Variants in SMG7 observed in about 807,000 individuals in gnomAD.
The protein encoded by SMG7 is nonsense-mediated mRNA decay factor SMG7.
SMG7 carries 34 observed loss-of-function variants against 148.2 expected under a neutral mutation model. The ratio of observed to expected loss-of-function variants is 0.23; its 90% CI spans 0.17 to 0.31. The LOEUF is 0.31. SMG7 is among the 10% of genes least tolerant of loss of function. The probability of loss-of-function intolerance (pLI) is 1.00; values close to 1 mark genes in which losing one functional copy is unlikely to be tolerated. For synonymous variants in SMG7, 492 were observed against 515.1 expected, an observed-to-expected ratio of 0.96 and a Z score of 0.61; for missense variants, 1,114 against 1,408.4, an observed-to-expected ratio of 0.79 and a Z score of 3.35.
chr1:183,525,805 C>T (rs541767638), intron 4 of SMG7, among the ~76,000 whole-genome samples: 5 of 152,096 alleles, frequency 3.3e-5, no homozygotes, highest in East Asian at 1.9e-4. Context: ...GTGTACACTA[C>T]GGTGAGATTC....
intron 1 of SMG7, among the ~76,000 whole-genome samples, chr1:183,488,047 AT>A (rs1655934857): frequency 6.6e-6 from 1 of 152,224 alleles, no homozygotes; most frequent in African/African-American, 2.4e-5. Context: ...CCGTGTTCAT[AT>A]GTCAGTAGCC....
chr1:183,547,643 A>G (rs1012842560), intron 18 of SMG7, among the ~76,000 whole-genome samples: 2 of 152,066 alleles, frequency 1.3e-5, no homozygotes, highest in African/African-American at 4.8e-5. Context: ...TAGCCAAAAT[A>G]TGAAAGGAAA....
intron 1 of SMG7, among the ~76,000 whole-genome samples, chr1:183,493,271 G>A (rs1657524238): frequency 1.3e-5 from 2 of 152,162 alleles, no homozygotes; most frequent in African/African-American, 4.8e-5. Context: ...CACTACACCC[G>A]GCAACCTATG....
intron 1 of SMG7, chr1:183,473,883 A>G (rs951747316): frequency 7.1e-6 from 7 of 985,060 alleles, no homozygotes; most frequent in South Asian, 4.7e-5. Flanking sequence ...GGATCCCTAT[A>G]TGTATATTGC....
In SMG7 at chr1:183,552,750, T is replaced by C; in HGVS notation, c.*819T>C. 7.3e-7 allele frequency: 1 copy of C among 1,376,804 alleles called. No individual in the cohort carries two copies. The highest frequency in any genetic ancestry group is 9.4e-7 in the Non-Finnish European group (1 of 1,066,480). The allele number at this position is 1,376,804 out of a possible 1,614,324, so 85.3% of individuals were successfully genotyped here. On this transcript the variant is annotated 3_prime_UTR_variant, in exon 23 of 23. Coordinates refer to ENST00000688051, the MANE Select transcript of SMG7 (RefSeq NM_001375584.1). ...TTACGTTTTTGATTCCTGTACATTT[T>C]ACAGTCGCACAGCAAGCAGTCTCAC...
chr1:183,486,916 G>A (rs1655581869), intron 1 of SMG7, among the ~76,000 whole-genome samples: 2 of 152,116 alleles, frequency 1.3e-5, no homozygotes, highest in African/African-American at 4.8e-5. Context: ...TGCTCAGGCT[G>A]GTCACTGTCT....
intron 6 of SMG7, 86 bp from the exon 7 acceptor site, chr1:183,528,806 A>G (rs1339165737): frequency 5.1e-6 from 6 of 1,165,656 alleles, no homozygotes; most frequent in Non-Finnish European, 6.1e-6. Context: ...CCATTGTTTG[A>G]GTATTTAAAC....
intron 19 of SMG7, 149 bp downstream of exon 19, chr1:183,549,437 T>C: frequency 1.5e-6 from 1 of 649,216 alleles, no homozygotes; most frequent in Non-Finnish European, 2.7e-6. Context: ...TGTCTCTGAT[T>C]GGGGCATACT....
intron 10 of SMG7, 143 bp from the exon 11 acceptor site, chr1:183,537,002 T>A (rs1323218328): frequency 8.6e-6 from 5 of 578,814 alleles, no homozygotes; most frequent in Non-Finnish European, 1.5e-5. Flanking sequence ...AGTACATTTT[T>A]AAAAATTATA....
Position 183,517,526 on chromosome 1 carries a change from A to G in SMG7, c.180-162A>G, listed in dbSNP as rs1663816531. 1.1e-5 allele frequency: 8 copies of G among 714,016 alleles called. No homozygotes were observed. The Admixed American group carries it at 1.2e-4, about 11-fold the overall frequency. The allele number at this position is 714,016 out of a possible 1,614,324, so 44.2% of individuals were successfully genotyped here. A position where few individuals can be genotyped will look rare whatever the true frequency, so the allele number is the denominator to read the frequency against. ...TTCTACTGCATGTCTAGTCTTGTTC[A>G]AAGGGAAGCATAAAGTTATTTAAAT... On this transcript the variant is annotated intron_variant, in intron 3 of 22. Transcript: ENST00000688051.
In SMG7 at chr1:183,541,095, T is replaced by G. The variant is rs746092415; in HGVS notation, c.1407T>G (p.Asn469Lys). The change falls in exon 13 of 23, where the codon AAT becomes AAG. Residue 469 changes from asparagine (N) to lysine (K), a missense_variant. Coordinates refer to ENST00000688051, the MANE Select transcript of SMG7 (RefSeq NM_001375584.1). ...LISIGKWIAD[N>K]QPRLIQCENE... ...CTATAGGCAAATGGATTGCTGATAATCAGCCAAGGTAAGTCTGGAACTTCT... is the reference window on the plus strand; with the variant it reads ...CTATAGGCAAATGGATTGCTGATAAGCAGCCAAGGTAAGTCTGGAACTTCT... 4.3e-5 allele frequency: 69 copies of G among 1,613,204 alleles called. No homozygotes were observed. The highest frequency in any genetic ancestry group is 5.5e-5 in the Non-Finnish European group (65 of 1,179,394).
chr1:183,523,784 A>G (rs1183737213), intron 4 of SMG7, among the ~76,000 whole-genome samples: 1 of 152,004 alleles, frequency 6.6e-6, no homozygotes, highest in Non-Finnish European at 1.5e-5. Context: ...TCCAACCATA[A>G]TTTTATTTAT....
chr1:183,519,142 G>C (rs921254948), intron 4 of SMG7, among the ~76,000 whole-genome samples: 1 of 152,056 alleles, frequency 6.6e-6, no homozygotes, highest in Non-Finnish European at 1.5e-5. Flanking sequence ...GCAGTGAACC[G>C]TGATTGTGCC....
At chr1:183,539,497 T>G (rs1219700976) in intron 12 of SMG7, among the ~76,000 whole-genome samples, 1 of 152,194 alleles carries the variant, frequency 6.6e-6, no homozygotes, top group Non-Finnish European at 1.5e-5. Flanking sequence ...TCCATCCCTA[T>G]GTCTCTTGAA....
chr1:183,551,165 CT>C lies in SMG7; in HGVS notation c.3426del (p.Ala1143LeufsTer7). The C allele has an allele frequency of 6.3e-7, 1 of 1,580,832 alleles. No homozygotes were observed. Among genetic ancestry groups the C allele is most frequent in the Non-Finnish European group, 8.5e-7 (1 of 1,171,658 alleles). ...CATGGCCCTTCCATGGAGGATTCCT[CT>C]GCTGTCCTCATGGAAAGCCTAAAGG... is the stretch of plus-strand genomic sequence containing the variant. ...TGHGPSMEDSSAVLMESLKSI... is the reference protein window; with the variant it reads ...TGHGPSMEDSXAVLMESLKSI... On this transcript the variant is annotated frameshift_variant, in exon 22 of 23. Coordinates refer to ENST00000688051, the MANE Select transcript of SMG7 (RefSeq NM_001375584.1). LOFTEE classifies it high-confidence loss of function.
chr1:183,477,760 G>A (rs1652973428), intron 1 of SMG7, among the ~76,000 whole-genome samples: 1 of 151,712 alleles, frequency 6.6e-6, no homozygotes, highest in African/African-American at 2.4e-5. Flanking sequence ...GCATATGTGT[G>A]CATATATACA....
chr1:183,534,148 A>C (rs558475200), intron 10 of SMG7, among the ~76,000 whole-genome samples: 1 of 151,948 alleles, frequency 6.6e-6, no homozygotes, highest in Non-Finnish European at 1.5e-5. Flanking sequence ...TATCTATTAC[A>C]GTATTCCTTA....
At chr1:183,510,183 C>G (rs1241845575) in intron 1 of SMG7, among the ~76,000 whole-genome samples, 1 of 151,980 alleles carries the variant, frequency 6.6e-6, no homozygotes, top group South Asian at 2.1e-4. Flanking sequence ...TTTGTAACTT[C>G]GCAACTCAAG....
intron 1 of SMG7, among the ~76,000 whole-genome samples, chr1:183,487,379 A>G (rs1271328906): frequency 6.6e-6 from 1 of 152,138 alleles, no homozygotes; most frequent in Non-Finnish European, 1.5e-5. Flanking sequence ...TTGTAATCAC[A>G]TTGGACACAC....
Sources: allele counts gnomAD v4.1 joint callset (sites outside exome capture counted in the v4.1 genomes callset), GRCh38; gene constraint gnomAD v4.1.1; transcripts MANE v1.5; gene names NCBI Gene and HGNC (gene_info 2026-07-23, HGNC 2026-07-21).